MGAT5B: variants seen among roughly 807,000 people sequenced by gnomAD.
MGAT5B encodes alpha-1,6-mannosylglycoprotein 6-beta-N-acetylglucosaminyltransferase B.
Under a neutral mutation model 95.1 loss-of-function variants are expected in MGAT5B, and 54 were observed. The observed-to-expected ratio is 0.57, with a 90% confidence interval of 0.46 to 0.71. The LOEUF (loss-of-function observed/expected upper bound fraction) is 0.71, where lower values mean the gene tolerates loss of function less well. Ranked by LOEUF, MGAT5B falls within the 30% of genes least tolerant of loss-of-function variation. MGAT5B has a pLI of 0.00. For synonymous variants in MGAT5B, 464 were observed against 451.0 expected (o/e 1.03, Z -0.36); for missense variants, 935 against 1,088.6 (o/e 0.86, Z 1.99).
chr17:76,946,092 C>T (rs775459913), intron 15 of MGAT5B, among the ~76,000 whole-genome samples: 1 of 139,738 alleles, frequency 7.2e-6, no homozygotes, highest in Non-Finnish European at 1.5e-5. Context: ...CAGCGCTGAG[C>T]TTTATCCTCA....
At position 76,925,002 on chromosome 17, in the gene MGAT5B, G is replaced by T; in HGVS notation, c.1062G>T (p.Pro354=). The change falls in exon 9 of 18, where the codon CCG becomes CCT. Residue 354 remains proline (P), a synonymous_variant. Transcript: ENST00000569840. ...LGVPPGRGSC[P]LTMPLPFDLI... ...TACCGCCAGGCCGGGGAAGCTGCCC[G>T]CTCACCATGCCCCTGCCCTTCGACC... 1.9e-6 allele frequency: 3 copies of T among 1,611,760 alleles called. No individual in the cohort carries two copies. Among genetic ancestry groups the T allele is most frequent in the African/African-American group, 1.3e-5 (1 of 74,736 alleles).
rs1256094287 is a variant in MGAT5B at position 76,906,074 on chromosome 17, G to C, written c.912G>C (p.Arg304=). ...AGTCCGGGGACGTGTTCAGCCCTCG[G>C]GTCCTGAAGGGCGGGCCCCTAGGGG... ...TEESGDVFSP[R]VLKGGPLGEM... Residue 304 remains arginine, a synonymous_variant, in exon 8 of 18, where the codon CGG becomes CGC. Coordinates refer to ENST00000569840, the MANE Select transcript of MGAT5B (RefSeq NM_001199172.2). This position sits in a 1 kb window ranked among gnomAD's most constrained non-coding sequence, Gnocchi z 4.6. The C allele has an allele frequency of 2.2e-5, 35 of 1,609,418 alleles. No homozygotes were observed. The highest frequency in any genetic ancestry group is 3.0e-5 in the Non-Finnish European group (35 of 1,177,984).
chr17:76,948,691 G>C lies in MGAT5B; in HGVS notation c.2232G>C (p.Pro744=). The change falls in exon 18 of 18, where the codon CCG becomes CCC. Residue 744 remains proline, a synonymous_variant. Transcript: ENST00000569840. ...AGTCGGAGATGAACCACCTGTACCC[G>C]GCGTTCGCCCAGCCTGGCCAGGAGT... ...STESEMNHLY[P]AFAQPGQECY... is the part of the protein sequence containing the mutation. 1 of 1,613,398 alleles carries C rather than the reference G, an allele frequency of 6.2e-7. No homozygotes were observed. The highest frequency in any genetic ancestry group is 8.5e-7 in the Non-Finnish European group (1 of 1,179,824).
At chr17:76,898,637 A>C (rs1307414495) in intron 3 of MGAT5B, among the ~76,000 whole-genome samples, 2 of 152,092 alleles carry the variant, frequency 1.3e-5, no homozygotes. Context: ...CATGCTCAAC[A>C]TTCTGACTCT....
At position 76,926,678 on chromosome 17, in the gene MGAT5B, G is replaced by T; in HGVS notation, c.1239G>T (p.Arg413=). The part of the protein sequence containing the change: ...HEEYATLHGY[R]TNWGYWNLNP... ...AGTACGCCACGCTGCACGGCTACCG[G>T]ACCAACTGGGGCTACTGGAACCTCA... Residue 413 remains arginine, a synonymous_variant, in exon 10 of 18, where the codon CGG becomes CGT. Transcript: ENST00000569840. 2 of 1,612,738 alleles carry T rather than the reference G, an allele frequency of 1.2e-6. No homozygotes were observed. The highest frequency in any genetic ancestry group is 1.7e-6 in the Non-Finnish European group (2 of 1,179,912).
chr17:76,926,602 G>A lies in MGAT5B; in HGVS notation c.1163G>A (p.Arg388Gln), dbSNP rs747414462. 9.9e-6 allele frequency: 16 copies of A among 1,610,780 alleles called. No individual in the cohort carries two copies. Among genetic ancestry groups the A allele is most frequent in the African/African-American group, 4.0e-5 (3 of 74,906 alleles). Residue 388 changes from arginine (R) to glutamine (Q), a missense_variant, in exon 10 of 18, where the codon CGA (arginine) becomes CAA (glutamine). Transcript: ENST00000569840. ...MGLSFKKYRCRIRVIDTFGTE... is the reference protein window; with the variant it reads ...MGLSFKKYRCQIRVIDTFGTE... ...CTGGTCCCCTGGGGGGGCAGGTGCC[G>A]AATCAGGGTCATCGACACCTTCGGG...
In MGAT5B at chr17:76,939,027, GGGGTGT is replaced by G. The variant is rs1398261571; in HGVS notation, c.1584+886_1584+891del. Among the ~76,000 whole-genome samples the G allele has an allele frequency of 6.2e-3, 606 of 97,292 alleles. 3 individuals are homozygous for G. The highest frequency in any genetic ancestry group is 0.016 in the African/African-American group (493 of 31,312). 63.8% of individuals were successfully genotyped at this position (97,292 alleles called of 152,430 possible). A position where few individuals can be genotyped will look rare whatever the true frequency, so the allele number is the denominator to read the frequency against. ...ATAGCTTGTTTCCCAAGGCATCTTG[GGGGTGT>G]GTGTGTGTGTGTGTGTGTGTGTGTG... On this transcript the variant is annotated intron_variant, in intron 13 of 17. Transcript: ENST00000569840.
intron 2 of MGAT5B, among the ~76,000 whole-genome samples, chr17:76,877,768 C>T (rs774738115): frequency 6.6e-6 from 1 of 152,044 alleles, no homozygotes; most frequent in African/African-American, 2.4e-5. Context: ...GAGGTCTCTG[C>T]TTTCTGGAGA....
chr17:76,920,731 G>C (rs1969100449), intron 8 of MGAT5B, among the ~76,000 whole-genome samples: 1 of 152,124 alleles, frequency 6.6e-6, no homozygotes. Context: ...CCTCTCCCGT[G>C]ATGTCCTTTG....
In MGAT5B at chr17:76,940,779, C is replaced by A; in HGVS notation, c.1779C>A (p.His593Gln). 6.2e-7 allele frequency: 1 copy of A among 1,614,172 alleles called. No individual in the cohort carries two copies. Among genetic ancestry groups the A allele is most frequent in the Non-Finnish European group, 8.5e-7 (1 of 1,180,034 alleles). ...PYAENFIGKPHVWTVDYNNSE... is the reference protein window; with the variant it reads ...PYAENFIGKPQVWTVDYNNSE... ...CGGAGAACTTCATCGGCAAGCCCCA[C>A]GTGTGGACAGTCGACTACAACAACT... Residue 593 changes from histidine to glutamine, a missense_variant, in exon 15 of 18, where the codon CAC becomes CAA. Physicochemically the swap from His to Gln is conservative, Grantham distance 24. Around this residue, in one of 4 missense-constraint regions of MGAT5B, gnomAD observed 440 missense variants for 523.6 expected, o/e 0.84. Coordinates refer to ENST00000569840, the MANE Select transcript of MGAT5B (RefSeq NM_001199172.2). The surrounding 1 kb of genome is among the most constrained non-coding windows in gnomAD (Gnocchi z 4.3).
At chr17:76,871,149 G>A (rs1022587194) in intron 1 of MGAT5B, among the ~76,000 whole-genome samples, 1 of 152,264 alleles carries the variant, frequency 6.6e-6, no homozygotes, top group African/African-American at 2.4e-5. Flanking sequence ...AGACATGAGT[G>A]GGGGAAGTCC....
At chr17:76,934,174 G>A (rs1969584351) in intron 12 of MGAT5B, among the ~76,000 whole-genome samples, 1 of 152,226 alleles carries the variant, frequency 6.6e-6, no homozygotes, top group African/African-American at 2.4e-5. Flanking sequence ...AGACGCTACT[G>A]TTCACTGAGA....
intron 3 of MGAT5B, among the ~76,000 whole-genome samples, chr17:76,882,957 C>G (rs1354690753): frequency 6.6e-6 from 1 of 151,882 alleles, no homozygotes; most frequent in African/African-American, 2.4e-5. Flanking sequence ...TCATGATCCA[C>G]CCGTTTGGCC....
At position 76,917,338 on chromosome 17, in the gene MGAT5B, G is replaced by A. The variant is rs1409646422; in HGVS notation, c.1026-7628G>A. Reference sequence around the variant, plus strand: ...TGGCTTCACTTTCTTGTTGGGTCTCGGGGGTGCCTTCCCACAGCAGGTATC... The same window carrying A: ...TGGCTTCACTTTCTTGTTGGGTCTCAGGGGTGCCTTCCCACAGCAGGTATC... On this transcript the variant is annotated intron_variant, in intron 8 of 17. Transcript: ENST00000569840. This position sits in a 1 kb window ranked among gnomAD's most constrained non-coding sequence, Gnocchi z 6.1. Among the ~76,000 whole-genome samples, 4 of 151,900 alleles carry A rather than the reference G, an allele frequency of 2.6e-5. No homozygotes were observed. Among genetic ancestry groups the A allele is most frequent in the East Asian group, 1.9e-4 (1 of 5,162 alleles).
intron 15 of MGAT5B, among the ~76,000 whole-genome samples, chr17:76,943,212 A>G (rs561360425): frequency 1.4e-3 from 211 of 152,040 alleles, no homozygotes; most frequent in African/African-American, 4.6e-3. Flanking sequence ...TTTTTTTTAC[A>G]TGAACATCTG....
chr17:76,933,119 G>T (rs1281660504), intron 11 of MGAT5B, among the ~76,000 whole-genome samples, 173 bp from the exon 12 acceptor site: 3 of 152,334 alleles, frequency 2.0e-5, no homozygotes, highest in African/African-American at 7.2e-5. Context: ...CTAGACTTGG[G>T]AGTTCTGTGA....
At chr17:76,910,053 A>G (rs1446966052) in intron 8 of MGAT5B, among the ~76,000 whole-genome samples, 1 of 152,104 alleles carries the variant, frequency 6.6e-6, no homozygotes, top group African/African-American at 2.4e-5. Flanking sequence ...TTGAAATAGC[A>G]GGTCCAGGAG....
chr17:76,908,375 TC>T lies in MGAT5B; in HGVS notation c.1025+2191del, dbSNP rs528275558. Among the ~76,000 whole-genome samples the T allele has an allele frequency of 2.4e-3, 340 of 143,428 alleles. 3 individuals are homozygous for T. The highest frequency in any genetic ancestry group is 8.2e-3 in the African/African-American group (321 of 39,092). 94.1% of individuals were successfully genotyped at this position (143,428 alleles called of 152,430 possible). The stretch of plus-strand genomic sequence containing the variant: ...CAGCAGCCTTCCCCTCAAGCAACCC[TC>T]CCACCTCAGCCTCCTGAGTAGCTGG... On this transcript the variant is annotated intron_variant, in intron 8 of 17. Coordinates refer to ENST00000569840, the MANE Select transcript of MGAT5B (RefSeq NM_001199172.2).
chr17:76,943,105 G>A (rs1008121654), intron 15 of MGAT5B, among the ~76,000 whole-genome samples: 2 of 152,118 alleles, frequency 1.3e-5, no homozygotes, highest in Non-Finnish European at 2.9e-5. Context: ...ATAGTCGCGG[G>A]TATTTCTGGT....
Sources: allele counts gnomAD v4.1 joint callset (sites outside exome capture counted in the v4.1 genomes callset), GRCh38; gene constraint gnomAD v4.1.1; regional missense constraint gnomAD v4.1.1; non-coding constraint Gnocchi (gnomAD v3.1); transcripts MANE v1.5; gene names NCBI Gene and HGNC (gene_info 2026-07-23, HGNC 2026-07-21).